IL19: variants seen among roughly 807,000 people sequenced by gnomAD.
IL19 encodes interleukin 19, also known as interleukin-19.
In IL19, 15 loss-of-function variants were observed where a neutral mutation model predicts 19.5. That is an observed-to-expected ratio of 0.77 (90% CI 0.52 to 1.19). The LOEUF (loss-of-function observed/expected upper bound fraction) is 1.19, where lower values mean the gene tolerates loss of function less well. Ranked by LOEUF, IL19 falls within the 50% of genes most tolerant of loss-of-function variation. IL19 has a pLI of 0.00. For synonymous variants in IL19, 78 were observed against 78.3 expected, an observed-to-expected ratio of 1.00 and a Z score of 0.02; for missense variants, 199 against 213.1, an observed-to-expected ratio of 0.93 and a Z score of 0.41.
At chr1:206,777,965 G>A (rs1022878372) in intron 1 of IL19, among the ~76,000 whole-genome samples, 3 of 152,258 alleles carry the variant, frequency 2.0e-5, no homozygotes, top group African/African-American at 7.2e-5. Flanking sequence ...AGTTTGGGGT[G>A]CAAGGAGACA....
chr1:206,799,522 A>C (rs566389657), intron 2 of IL19, among the ~76,000 whole-genome samples: 4 of 152,118 alleles, frequency 2.6e-5, no homozygotes, highest in African/African-American at 9.6e-5. Flanking sequence ...CCACGTAGTC[A>C]CTCCTTTCTG....
chr1:206,842,574 C>G lies in IL19; in HGVS notation c.486C>G (p.Val162=), dbSNP rs779555269. Residue 162 remains valine, a synonymous_variant, in exon 7 of 7, where the codon GTC becomes GTG. Coordinates refer to ENST00000659997, the MANE Select transcript of IL19 (RefSeq NM_153758.5). ...AAIKSLGELD[V]FLAWINKNHE... is the part of the protein sequence containing the mutation. ...TTAAATCCCTGGGAGAGCTCGACGT[C>G]TTTCTAGCCTGGATTAATAAGAATC... 8.9e-6 allele frequency: 14 copies of G among 1,577,102 alleles called. No individual in the cohort carries two copies. The highest frequency in any genetic ancestry group is 1.2e-5 in the Non-Finnish European group (14 of 1,159,360).
At chr1:206,790,305 C>T (rs771549795) in intron 1 of IL19, among the ~76,000 whole-genome samples, 6 of 152,006 alleles carry the variant, frequency 3.9e-5, no homozygotes, top group Admixed American at 6.6e-5. Context: ...CATCAGGGCA[C>T]GGTCCTCTCA....
chr1:206,812,586 G>C lies in IL19; in HGVS notation c.-3+13580G>C, dbSNP rs535411298. ...CCTTTTAGGATTTTCATGTCCAATA[G>C]TAAAAGTTAATGGAAGATGACCACT... On this transcript the variant is annotated intron_variant, in intron 2 of 6. Transcript: ENST00000659997. Among the ~76,000 whole-genome samples, 21 of 152,270 alleles carry C rather than the reference G, an allele frequency of 1.4e-4. No individual in the cohort carries two copies. In the East Asian group the frequency reaches 4.0e-3, roughly 29 times the overall value.
At chr1:206,831,665 C>T (rs1215679645) in intron 2 of IL19, among the ~76,000 whole-genome samples, 4 of 152,192 alleles carry the variant, frequency 2.6e-5, no homozygotes, top group African/African-American at 9.7e-5. Flanking sequence ...CATCTTCATG[C>T]TGCGCCTACA....
intron 2 of IL19, among the ~76,000 whole-genome samples, chr1:206,831,760 A>T (rs1003056065): frequency 4.6e-5 from 7 of 152,300 alleles, no homozygotes; most frequent in African/African-American, 1.7e-4. Context: ...CTTCAGTCTG[A>T]CAGCCATAGA....
chr1:206,800,186 A>T (rs1675644397), intron 2 of IL19, among the ~76,000 whole-genome samples: 1 of 152,224 alleles, frequency 6.6e-6, no homozygotes, highest in Non-Finnish European at 1.5e-5. Flanking sequence ...CTGAGGACAC[A>T]ACACTGAACA....
At chr1:206,835,523 G>A (rs1177320528) in intron 2 of IL19, among the ~76,000 whole-genome samples, 3 of 152,214 alleles carry the variant, frequency 2.0e-5, no homozygotes, top group Non-Finnish European at 4.4e-5. Flanking sequence ...GGGAGTGGGG[G>A]CAGCTGGGGT....
intron 1 of IL19, among the ~76,000 whole-genome samples, chr1:206,776,189 T>C (rs938449032): frequency 6.6e-6 from 1 of 152,282 alleles, no homozygotes; most frequent in East Asian, 1.9e-4. Context: ...TTTTATTTTC[T>C]GTCTCACTCA....
Position 206,839,974 on chromosome 1 carries a change from T to G in IL19, c.335T>G (p.Leu112Arg). 6.2e-7 allele frequency: 1 copy of G among 1,614,204 alleles called. No homozygotes were observed. Among genetic ancestry groups the G allele is most frequent in the Non-Finnish European group, 8.5e-7 (1 of 1,180,032 alleles). The change falls in exon 5 of 7, where the codon CTC becomes CGC. Residue 112 changes from leucine to arginine, a missense_variant. Leu to Arg is a moderately radical substitution (Grantham distance 102). Coordinates refer to ENST00000659997, the MANE Select transcript of IL19 (RefSeq NM_153758.5). The stretch of plus-strand genomic sequence containing the variant: ...ATCAGCAGCATTGCCAACTCTTTCC[T>G]CTACATGCAGAAAACTCTGCGGCAA... ...RKISSIANSFLYMQKTLRQCQ... is the reference protein window; with the variant it reads ...RKISSIANSFRYMQKTLRQCQ...
intron 2 of IL19, among the ~76,000 whole-genome samples, chr1:206,803,882 C>G (rs1675777971): frequency 6.6e-6 from 1 of 152,198 alleles, no homozygotes; most frequent in African/African-American, 2.4e-5. Flanking sequence ...GTCTGGGACT[C>G]TGTGCAAAGC....
chr1:206,771,603 C>T (rs1329504618), intron 1 of IL19, among the ~76,000 whole-genome samples: 1 of 152,092 alleles, frequency 6.6e-6, no homozygotes, highest in Admixed American at 6.5e-5. Flanking sequence ...AAATCAGGTC[C>T]TCCTCCTCAG....
chr1:206,829,673 T>TA (rs1330386485), intron 2 of IL19, among the ~76,000 whole-genome samples: 23 of 152,284 alleles, frequency 1.5e-4, no homozygotes, highest in African/African-American at 5.3e-4. Flanking sequence ...GTTTGCATTT[T>TA]AAAAAGTCCA....
rs1313305320 is a variant in IL19 at position 206,827,473 on chromosome 1, G to C, written c.-2-9188G>C. Among the ~76,000 whole-genome samples the C allele has an allele frequency of 2.0e-5, 3 of 152,054 alleles. No homozygotes were observed. In the South Asian group the frequency reaches 6.2e-4, roughly 32 times the overall value. On this transcript the variant is annotated intron_variant, in intron 2 of 6. Transcript: ENST00000659997. The stretch of plus-strand genomic sequence containing the variant: ...TGGGAGGTCGAGGAGGGCGGATCAC[G>C]AGGTCAGGAGATCGAGACCATCCTG...
chr1:206,791,775 A>G (rs952525038), intron 1 of IL19, among the ~76,000 whole-genome samples: 2 of 152,180 alleles, frequency 1.3e-5, no homozygotes, highest in African/African-American at 4.8e-5. Flanking sequence ...CCCCTGTAAA[A>G]GCCCCGTTTT....
At chr1:206,772,955 T>A (rs1181517252) in intron 1 of IL19, among the ~76,000 whole-genome samples, 1 of 152,152 alleles carries the variant, frequency 6.6e-6, no homozygotes, top group Non-Finnish European at 1.5e-5. Context: ...TCACCTTAGG[T>A]CTCTGGGCCT....
At chr1:206,831,039 G>T (rs1049684566) in intron 2 of IL19, among the ~76,000 whole-genome samples, 2 of 152,076 alleles carry the variant, frequency 1.3e-5, no homozygotes, top group Non-Finnish European at 2.9e-5. Context: ...AGTCCATGGA[G>T]CCTCATTCCC....
intron 1 of IL19, among the ~76,000 whole-genome samples, chr1:206,782,677 A>G (rs1261273007): frequency 1.3e-5 from 2 of 152,202 alleles, no homozygotes; most frequent in Non-Finnish European, 2.9e-5. Context: ...GTCAAAACCC[A>G]TGGGAGTTCT....
chr1:206,771,194 C>T lies in IL19; in HGVS notation c.-149+116C>T. ...AGAAGCCTCCCCGAAGGGACTGAGC[C>T]CTTTGTAAACCCTCTGGCTGCTGGA... On this transcript the variant is annotated intron_variant, in intron 1 of 6. Coordinates refer to ENST00000659997, the MANE Select transcript of IL19 (RefSeq NM_153758.5). The T allele has an allele frequency of 5.1e-6, 6 of 1,167,206 alleles. No homozygotes were observed. In the South Asian group the frequency reaches 7.3e-5, roughly 14 times the overall value. The allele number at this position is 1,167,206 out of a possible 1,614,324, so 72.3% of individuals were successfully genotyped here.
Sources: allele counts gnomAD v4.1 joint callset (sites outside exome capture counted in the v4.1 genomes callset), GRCh38; gene constraint gnomAD v4.1.1; transcripts MANE v1.5; gene names NCBI Gene and HGNC (gene_info 2026-07-23, HGNC 2026-07-21).